Variants in SRBD1 observed in about 807,000 individuals in gnomAD.
The protein encoded by SRBD1 is S1 RNA-binding domain-containing protein 1.
Under a neutral mutation model 115.3 loss-of-function variants are expected in SRBD1, and 88 were observed. The ratio of observed to expected loss-of-function variants is 0.76; its 90% CI spans 0.64 to 0.91. The LOEUF is 0.91. Ranked by LOEUF, SRBD1 falls within the 40% of genes least tolerant of loss-of-function variation. The probability of loss-of-function intolerance (pLI) is 0.00; values close to 1 mark genes in which losing one functional copy is unlikely to be tolerated. For missense variants in SRBD1, 1,385 were observed against 1,177.4 expected (o/e 1.18, Z -2.58); for synonymous variants, 509 against 407.7 (o/e 1.25, Z -2.99).
chr2:45,424,369 C>T (rs1668091158), intron 16 of SRBD1, among the ~76,000 whole-genome samples: 1 of 152,110 alleles, frequency 6.6e-6, no homozygotes, highest in South Asian at 2.1e-4. Context: ...TATTTTGCTA[C>T]TCACAATGAC....
chr2:45,581,508 C>G (rs971983285), intron 6 of SRBD1, among the ~76,000 whole-genome samples, 185 bp downstream of exon 6: 2 of 151,172 alleles, frequency 1.3e-5, no homozygotes, highest in African/African-American at 4.9e-5. Context: ...CTTTGTAAAC[C>G]CAAGTGCCTA....
chr2:45,509,306 C>T (rs932399236), intron 14 of SRBD1, among the ~76,000 whole-genome samples: 1 of 152,056 alleles, frequency 6.6e-6, no homozygotes. Context: ...ATTAGAAACA[C>T]ACACACAAGG....
chr2:45,509,865 G>A (rs927171651), intron 14 of SRBD1, among the ~76,000 whole-genome samples: 4 of 152,094 alleles, frequency 2.6e-5, no homozygotes, highest in African/African-American at 9.7e-5. Flanking sequence ...CTCCTGAGTA[G>A]CTGGGATTAC....
intron 14 of SRBD1, among the ~76,000 whole-genome samples, chr2:45,521,148 G>C (rs1457427210): frequency 6.6e-6 from 1 of 152,024 alleles, no homozygotes; most frequent in Non-Finnish European, 1.5e-5. Context: ...CGTCCTGCAA[G>C]GGGAGTCAGG....
At chr2:45,464,718 G>A (rs917095207) in intron 16 of SRBD1, among the ~76,000 whole-genome samples, 1 of 152,160 alleles carries the variant, frequency 6.6e-6, no homozygotes, top group South Asian at 2.1e-4. Flanking sequence ...AAAACACTGA[G>A]ACACAAAATT....
In SRBD1 at chr2:45,446,698, G is replaced by GA. The variant is rs562855287; in HGVS notation, c.2050-26805dup. Among the ~76,000 whole-genome samples, 751 of 141,618 alleles carry GA rather than the reference G, an allele frequency of 5.3e-3. 3 individuals are homozygous for GA. The highest frequency in any genetic ancestry group is 0.014 in the Middle Eastern group (4 of 278). 92.9% of individuals were successfully genotyped at this position (141,618 alleles called of 152,430 possible). A position where few individuals can be genotyped will look rare whatever the true frequency, so the allele number is the denominator to read the frequency against. On this transcript the variant is annotated intron_variant, in intron 16 of 20. Transcript: ENST00000263736. Reference sequence around the variant, plus strand: ...ATGAGCATCTAGGCATATCAAGATGGAAAAAAAAAAACCCCACAGAACACC... The same window carrying GA: ...ATGAGCATCTAGGCATATCAAGATGGAAAAAAAAAAAACCCCACAGAACACC...
intron 12 of SRBD1, among the ~76,000 whole-genome samples, chr2:45,550,783 T>G (rs1048345429): frequency 2.0e-5 from 3 of 152,170 alleles, no homozygotes; most frequent in Non-Finnish European, 4.4e-5. Flanking sequence ...TGTCTTTTGG[T>G]ATTTAAAATA....
Position 45,421,081 on chromosome 2 carries a change from G to A in SRBD1, c.2050-1187C>T, listed in dbSNP as rs367673643. 1.6e-3 allele frequency among the ~76,000 whole-genome samples: 250 copies of A among 152,304 alleles called. 3 individuals carry two copies. Among genetic ancestry groups the A allele is most frequent in the African/African-American group, 5.7e-3 (235 of 41,550 alleles). On this transcript the variant is annotated intron_variant, in intron 16 of 20. Transcript: ENST00000263736. Reference sequence around the variant, plus strand: ...TTTGTTAACTAAAACAGTGAAAGGTGTGCAGTTCAGTCATGTCTCTAGGAT... The same window carrying A: ...TTTGTTAACTAAAACAGTGAAAGGTATGCAGTTCAGTCATGTCTCTAGGAT...
At chr2:45,455,441 G>A (rs1669123553) in intron 16 of SRBD1, among the ~76,000 whole-genome samples, 1 of 151,840 alleles carries the variant, frequency 6.6e-6, no homozygotes, top group Non-Finnish European at 1.5e-5. Flanking sequence ...TTGAAAGACT[G>A]CTTTCCCTTA....
At chr2:45,568,768 T>A (rs72617002) in intron 9 of SRBD1, among the ~76,000 whole-genome samples, 10 of 152,152 alleles carry the variant, frequency 6.6e-5, no homozygotes, top group African/African-American at 2.4e-4. Flanking sequence ...TAAATCAACA[T>A]AAAAGGTGGA....
chr2:45,515,236 C>A (rs1671083602), intron 14 of SRBD1, among the ~76,000 whole-genome samples: 1 of 152,072 alleles, frequency 6.6e-6, no homozygotes, highest in South Asian at 2.1e-4. Flanking sequence ...ACACTGTTAT[C>A]CTACATGTGT....
At chr2:45,461,873 T>C (rs1332309946) in intron 16 of SRBD1, among the ~76,000 whole-genome samples, 2 of 152,192 alleles carry the variant, frequency 1.3e-5, no homozygotes, top group Non-Finnish European at 1.5e-5. Context: ...ATGTGGGAGA[T>C]ACTTGGAAGC....
At chr2:45,533,814 C>A (rs747330504) in intron 14 of SRBD1, among the ~76,000 whole-genome samples, 30 of 152,032 alleles carry the variant, frequency 2.0e-4, no homozygotes, top group Non-Finnish European at 3.7e-4. Flanking sequence ...ATATACTTGT[C>A]TAAACAGGAC....
At chr2:45,413,362 A>C in intron 18 of SRBD1, 69 bp from the exon 19 acceptor site, 1 of 1,530,652 alleles carries the variant, frequency 6.5e-7, no homozygotes, top group Non-Finnish European at 8.8e-7. Context: ...TTCAAATTAA[A>C]ATGTGCTTAC....
chr2:45,457,996 G>T, intron 16 of SRBD1, among the ~76,000 whole-genome samples: 1 of 151,820 alleles, frequency 6.6e-6, no homozygotes, highest in East Asian at 1.9e-4. Context: ...ATCTCAAAAA[G>T]CACTTACTAT....
intron 14 of SRBD1, among the ~76,000 whole-genome samples, chr2:45,504,211 G>A (rs948386367): frequency 1.4e-5 from 2 of 145,300 alleles, no homozygotes; most frequent in African/African-American, 5.4e-5. Context: ...CAAGCCTGTT[G>A]GCCAATCCTT....
chr2:45,602,641 T>C (rs1674135200), intron 2 of SRBD1, among the ~76,000 whole-genome samples: 2 of 152,208 alleles, frequency 1.3e-5, no homozygotes, highest in Non-Finnish European at 2.9e-5. Context: ...CTGATTAGAT[T>C]GGATCAGGTG....
chr2:45,389,490 C>T lies in SRBD1; in HGVS notation c.2808G>A (p.Val936=). ...VENATLFGIF[V]DIGVGKSGLI... is the part of the protein sequence containing the mutation. The stretch of plus-strand genomic sequence containing the variant: ...GCCCAGATTTCCCCACTCCTATATC[C>T]ACAAAAATTCCAAAGAGAGTGGCAT... Residue 936 remains valine (V), a synonymous_variant, in exon 21 of 21, where the codon GTG becomes GTA. Transcript: ENST00000263736. 1 of 1,614,026 alleles carries T rather than the reference C, an allele frequency of 6.2e-7. No homozygotes were observed. Among genetic ancestry groups the T allele is most frequent in the Middle Eastern group, 1.6e-4 (1 of 6,062 alleles).
chr2:45,482,465 G>A (rs971236317), intron 15 of SRBD1, among the ~76,000 whole-genome samples: 1 of 151,988 alleles, frequency 6.6e-6, no homozygotes, highest in African/African-American at 2.4e-5. Context: ...GGGGAGTGGA[G>A]AGAATGGGGA....
Sources: allele counts gnomAD v4.1 joint callset (sites outside exome capture counted in the v4.1 genomes callset), GRCh38; gene constraint gnomAD v4.1.1; transcripts MANE v1.5; gene names NCBI Gene and HGNC (gene_info 2026-07-23, HGNC 2026-07-21).